The following FAAH2 variants were observed in gnomAD, a reference collection of about 807,000 sequenced individuals.
FAAH2 encodes fatty acid amide hydrolase 2.
Under a neutral mutation model 36.9 loss-of-function variants are expected in FAAH2, and 60 were observed. The observed-to-expected ratio is 1.63, with a 90% confidence interval of 1.32 to 2.02. The LOEUF (loss-of-function observed/expected upper bound fraction) is 2.02, where lower values mean the gene tolerates loss of function less well. Ranked by LOEUF, FAAH2 falls within the 30% of genes most tolerant of loss-of-function variation. The probability of loss-of-function intolerance (pLI) is 0.00; values close to 1 mark genes in which losing one functional copy is unlikely to be tolerated. For synonymous variants in FAAH2, 214 were observed against 143.8 expected, an observed-to-expected ratio of 1.49 and a Z score of -3.49; for missense variants, 689 against 397.5, an observed-to-expected ratio of 1.73 and a Z score of -6.23.
At chrX:57,328,492 G>T (rs1169077367) in intron 3 of FAAH2, among the ~76,000 whole-genome samples, 2 of 111,116 alleles carry the variant, frequency 1.8e-5, no homozygotes, top group African/African-American at 6.5e-5. Flanking sequence ...CCTTAGATTG[G>T]GTTTTAATAT....
chrX:57,388,991 C>T (rs746805590), intron 7 of FAAH2, among the ~76,000 whole-genome samples: 37 of 109,250 alleles, frequency 3.4e-4, no homozygotes, highest in African/African-American at 8.9e-4. Flanking sequence ...CATTTTTTAC[C>T]TATTTACCTA....
chrX:57,260,067 A>G, the FAAH2 span, among the ~76,000 whole-genome samples: 3 of 111,949 alleles, frequency 2.7e-5, no homozygotes, highest in African/African-American at 9.7e-5. Context: ...ATATAACTTC[A>G]AACAATCATT....
At chrX:57,394,820 G>T in intron 7 of FAAH2, 7 of 1,095,606 alleles carry the variant, frequency 6.4e-6, no homozygotes, top group Non-Finnish European at 7.6e-6. Flanking sequence ...ATCCAGATTG[G>T]CAGTCTTGGA....
chrX:57,446,987 G>A lies in FAAH2; in HGVS notation c.1176G>A (p.Trp392Ter), dbSNP rs758056978. ...ATGGGAAACATGTCAGTCCTCTGTG[G>A]GAGTTGATCAAATGGTGCCTGGGTC... ...GDHGKHVSPL[W>*]ELIKWCLGLS... The change falls in exon 9 of 11, where the codon TGG (tryptophan) becomes TGA (stop). Residue 392 changes from tryptophan to a stop codon, truncating the protein, a stop_gained. Transcript: ENST00000374900. LOFTEE classifies it high-confidence loss of function. 4.1e-6 allele frequency: 5 copies of A among 1,210,021 alleles called. No individual in the cohort carries two copies. Among genetic ancestry groups the A allele is most frequent in the South Asian group, 1.8e-5 (1 of 56,671 alleles).
chrX:57,422,529 G>C (rs374995673), intron 7 of FAAH2, among the ~76,000 whole-genome samples: 1 of 111,876 alleles, frequency 8.9e-6, no homozygotes, highest in East Asian at 2.8e-4. Context: ...GGAAATAATC[G>C]CAAGATGGTT....
intron 5 of FAAH2, among the ~76,000 whole-genome samples, chrX:57,366,465 G>A (rs1401299250): frequency 2.7e-5 from 3 of 112,354 alleles, no homozygotes; most frequent in South Asian, 3.6e-4. Context: ...ACTAACAGAC[G>A]CTGCTAGCAA....
rs1306927529 is a variant in FAAH2, at chrX:57,378,906, T to A, written c.878+120T>A. On this transcript the variant is annotated intron_variant, in intron 6 of 10. Coordinates refer to ENST00000374900, the MANE Select transcript of FAAH2 (RefSeq NM_174912.4). ...AGCAAATAATTTTTACAGGTTTTTA[T>A]GAGAGAGCCTTTATATACTTATATA... 6.0e-6 allele frequency: 5 copies of A among 838,021 alleles called. No individual in the cohort carries two copies. In the African/African-American group the frequency reaches 1.0e-4, roughly 17 times the overall value. 69.1% of individuals were successfully genotyped at this position (838,021 alleles called of 1,213,427 possible). A position where few individuals can be genotyped will look rare whatever the true frequency, so the allele number is the denominator to read the frequency against.
chrX:57,372,443 A>G (rs2054575537), intron 5 of FAAH2, among the ~76,000 whole-genome samples: 1 of 111,132 alleles, frequency 9.0e-6, no homozygotes, highest in South Asian at 3.8e-4. Context: ...GGATACTTCT[A>G]TATCTTCTTC....
At chrX:57,429,903 G>A (rs1330671420) in intron 7 of FAAH2, among the ~76,000 whole-genome samples, 1 of 111,020 alleles carries the variant, frequency 9.0e-6, no homozygotes, top group Admixed American at 9.6e-5. Context: ...GGAACTGGAG[G>A]CCATTGTCTT....
At chrX:57,220,292 G>A in the FAAH2 span, among the ~76,000 whole-genome samples, 1 of 105,408 alleles carries the variant, frequency 9.5e-6, no homozygotes, top group East Asian at 3.0e-4. Flanking sequence ...TTTCTACACC[G>A]TCCCCTCCTC....
the FAAH2 span, among the ~76,000 whole-genome samples, chrX:57,273,750 C>T: frequency 8.9e-6 from 1 of 111,750 alleles, no homozygotes; most frequent in Non-Finnish European, 1.9e-5. Context: ...TCTCTGGACA[C>T]ATTTAAGGCA....
At chrX:57,233,587 C>A in the FAAH2 span, among the ~76,000 whole-genome samples, 3 of 111,606 alleles carry the variant, frequency 2.7e-5, no homozygotes, top group Non-Finnish European at 5.6e-5. Flanking sequence ...TTCTTCATAA[C>A]ATTGGATGGA....
chrX:57,201,890 A>AT, the FAAH2 span, among the ~76,000 whole-genome samples: 8 of 110,586 alleles, frequency 7.2e-5, no homozygotes, highest in South Asian at 3.8e-4. Context: ...GCTTAGTAAT[A>AT]TTTTTTTTCT....
At chrX:57,478,475 G>A (rs757142327) in intron 10 of FAAH2, among the ~76,000 whole-genome samples, 31 of 111,533 alleles carry the variant, frequency 2.8e-4, no homozygotes, top group African/African-American at 9.4e-4. Context: ...TTTTGCTAAA[G>A]AAGCTCTTTA....
intron 3 of FAAH2, among the ~76,000 whole-genome samples, chrX:57,321,848 G>A (rs889031789): frequency 1.8e-5 from 2 of 111,781 alleles, no homozygotes; most frequent in African/African-American, 6.5e-5. Flanking sequence ...AGGGTCACCA[G>A]TCTGTGTACT....
chrX:57,288,617 T>C (rs1303596786), intron 1 of FAAH2, among the ~76,000 whole-genome samples: 1 of 110,438 alleles, frequency 9.1e-6, no homozygotes, highest in African/African-American at 3.3e-5. Context: ...CCCAAAGTGC[T>C]GGAATTACAG....
the FAAH2 span, among the ~76,000 whole-genome samples, chrX:57,157,868 C>A: frequency 9.2e-6 from 1 of 109,178 alleles, no homozygotes; most frequent in Non-Finnish European, 1.9e-5. Context: ...TTATATTATA[C>A]TTTAAGTTTT....
At chrX:57,401,012 A>T (rs1367351833) in intron 7 of FAAH2, among the ~76,000 whole-genome samples, 2 of 111,424 alleles carry the variant, frequency 1.8e-5, no homozygotes, top group African/African-American at 6.5e-5. Flanking sequence ...AGTCCCAGCC[A>T]CTTGGGAGGC....
At chrX:57,128,687 A>G in the FAAH2 span, among the ~76,000 whole-genome samples, 1 of 112,010 alleles carries the variant, frequency 8.9e-6, no homozygotes, top group East Asian at 2.8e-4. Context: ...GGGGATTTAT[A>G]ATAGGTTATT....
Sources: allele counts gnomAD v4.1 joint callset (sites outside exome capture counted in the v4.1 genomes callset), GRCh38; gene constraint gnomAD v4.1.1; transcripts MANE v1.5; gene names NCBI Gene and HGNC (gene_info 2026-07-23, HGNC 2026-07-21).